The following CCDC149 variants were observed in gnomAD, a reference collection of about 807,000 sequenced individuals.
CCDC149 encodes the protein coiled-coil domain-containing protein 149.
Under a neutral mutation model 59.9 loss-of-function variants are expected in CCDC149, and 45 were observed. That is an observed-to-expected ratio of 0.75 (90% CI 0.59 to 0.96). The LOEUF is 0.96. CCDC149 is among the 40% of genes least tolerant of loss of function. The pLI is 0.00. For synonymous variants in CCDC149, 245 were observed against 260.6 expected, an observed-to-expected ratio of 0.94 and a Z score of 0.58; for missense variants, 584 against 664.7, an observed-to-expected ratio of 0.88 and a Z score of 1.33.
At chr4:24,915,050 G>A (rs897276045), upstream of CCDC149, among the ~76,000 whole-genome samples, 1 of 152,162 alleles carries the variant, frequency 6.6e-6, no homozygotes, top group Non-Finnish European at 1.5e-5. Context: ...AAAAAAGGTG[G>A]GGCTAGAATG....
At chr4:24,834,766 C>G (rs1230782104) in intron 8 of CCDC149, among the ~76,000 whole-genome samples, 182 bp downstream of exon 8, 2 of 152,148 alleles carry the variant, frequency 1.3e-5, no homozygotes, top group African/African-American at 4.8e-5. Context: ...GGAGTGGAAC[C>G]AGTAATCTGT....
At chr4:24,954,664 A>G (rs961357442) in intron 1 of CCDC149, among the ~76,000 whole-genome samples, 2 of 152,206 alleles carry the variant, frequency 1.3e-5, no homozygotes, top group African/African-American at 4.8e-5. Flanking sequence ...GAGATTCAAG[A>G]TGGCCCTGAG....
chr4:24,839,028 T>TCACACACA (rs56226858), intron 4 of CCDC149, among the ~76,000 whole-genome samples: 1 of 132,022 alleles, frequency 7.6e-6, no homozygotes, highest in African/African-American at 3.0e-5. Context: ...TCTCTCTCTC[T>TCACACACA]CACACACACA....
intron 1 of CCDC149, among the ~76,000 whole-genome samples, chr4:24,924,877 G>A (rs1333369371): frequency 2.0e-5 from 3 of 152,164 alleles, no homozygotes; most frequent in Non-Finnish European, 4.4e-5. Flanking sequence ...GGAAGAAATT[G>A]TTGCAGTCAC....
At chr4:24,947,813 AAAG>A (rs932738990) in intron 1 of CCDC149, among the ~76,000 whole-genome samples, 20 of 146,974 alleles carry the variant, frequency 1.4e-4, no homozygotes, top group African/African-American at 4.9e-4. Flanking sequence ...TACAATGAAA[AAAG>A]AAGGAGGATT....
intron 1 of CCDC149, among the ~76,000 whole-genome samples, chr4:24,898,787 C>T (rs1720990575): frequency 6.6e-6 from 1 of 152,080 alleles, no homozygotes; most frequent in Non-Finnish European, 1.5e-5. Context: ...AGTGGGAGAC[C>T]CAAGGGGAGT....
intron 12 of CCDC149, among the ~76,000 whole-genome samples, chr4:24,813,489 A>AATATATCTATATCTATCTATATAT (rs1186488610): frequency 8.8e-6 from 1 of 113,734 alleles, no homozygotes; most frequent in African/African-American, 4.0e-5. Flanking sequence ...CAGCTTGGGG[A>AATATATCTATATCTATCTATATAT]ATATATATAT....
intron 3 of CCDC149, among the ~76,000 whole-genome samples, chr4:24,861,040 G>T (rs1169571803): frequency 6.6e-6 from 1 of 152,082 alleles, no homozygotes; most frequent in African/African-American, 2.4e-5. Context: ...TAACCACTAT[G>T]GAAAACAGTA....
chr4:24,818,781 T>C (rs1415815053), intron 12 of CCDC149, among the ~76,000 whole-genome samples: 2 of 152,192 alleles, frequency 1.3e-5, no homozygotes, highest in African/African-American at 4.8e-5. Context: ...AAGGGACAAG[T>C]CTCATGTCTT....
chr4:24,824,448 G>T (rs809608), intron 9 of CCDC149, among the ~76,000 whole-genome samples: 114,730 of 152,078 alleles, frequency 0.75, 43,683 homozygotes, highest in Non-Finnish European at 0.78. Context: ...TAATCTTTCC[G>T]GAGTCCGTAA....
chr4:24,900,990 G>A (rs986198048), intron 1 of CCDC149, among the ~76,000 whole-genome samples: 1 of 152,178 alleles, frequency 6.6e-6, no homozygotes, highest in Non-Finnish European at 1.5e-5. Flanking sequence ...CAGGTGATGG[G>A]GAGCCACCAC....
chr4:24,882,613 G>T (rs1298892856), intron 1 of CCDC149, among the ~76,000 whole-genome samples: 4 of 152,150 alleles, frequency 2.6e-5, no homozygotes, highest in Admixed American at 2.6e-4. Context: ...CTGATGAGAG[G>T]GTGTCTATGG....
chr4:24,916,244 G>A (rs1722115589), upstream of CCDC149, among the ~76,000 whole-genome samples: 1 of 152,132 alleles, frequency 6.6e-6, no homozygotes, highest in African/African-American at 2.4e-5. Context: ...TTATTTATGT[G>A]CACCTATAGT....
intron 1 of CCDC149, among the ~76,000 whole-genome samples, chr4:24,883,268 G>T (rs2109265279): frequency 6.6e-6 from 1 of 151,728 alleles, no homozygotes; most frequent in Admixed American, 6.6e-5. Flanking sequence ...CTGCAGTAAG[G>T]GTAATTATTG....
intron 3 of CCDC149, among the ~76,000 whole-genome samples, chr4:24,853,942 G>A (rs761300073): frequency 2.6e-5 from 4 of 151,852 alleles, no homozygotes; most frequent in African/African-American, 9.7e-5. Context: ...CAGGATAATC[G>A]CCCTTCATTC....
chr4:24,931,055 G>A (rs1722572003), intron 1 of CCDC149, among the ~76,000 whole-genome samples: 1 of 151,626 alleles, frequency 6.6e-6, no homozygotes, highest in African/African-American at 2.4e-5. Flanking sequence ...TCTTTTGTCT[G>A]GAATTTAAAG....
chr4:24,901,495 T>G (rs1173072750), intron 1 of CCDC149, among the ~76,000 whole-genome samples: 1 of 152,164 alleles, frequency 6.6e-6, no homozygotes, highest in East Asian at 1.9e-4. Flanking sequence ...AATTGTCAAT[T>G]TTAGGAGCAC....
chr4:24,967,331 T>A (rs116087998), intron 1 of CCDC149, among the ~76,000 whole-genome samples: 1,890 of 152,226 alleles, frequency 0.012, 36 homozygotes, highest in African/African-American at 0.044. Context: ...GCAGAAAATG[T>A]GTGGCACCCA....
At position 24,806,315 on chromosome 4, in the gene CCDC149, C is replaced by T. The variant is rs1465201633; in HGVS notation, c.*2074G>A. The T allele has an allele frequency of 6.6e-6, 1 of 152,336 alleles. No homozygotes were observed. The highest frequency in any genetic ancestry group is 1.5e-5 in the Non-Finnish European group (1 of 68,090). 9.4% of individuals were successfully genotyped at this position (152,336 alleles called of 1,614,324 possible). ...GCTGACTACACACAGTTTAGGTTAT[C>T]ACTCCTTATGACTCCTGCTCCCTGC... On this transcript the variant is annotated 3_prime_UTR_variant, in exon 13 of 13. Coordinates refer to ENST00000635206, the MANE Select transcript of CCDC149 (RefSeq NM_001330643.2).
Sources: allele counts gnomAD v4.1 joint callset (sites outside exome capture counted in the v4.1 genomes callset), GRCh38; gene constraint gnomAD v4.1.1; transcripts MANE v1.5; gene names NCBI Gene and HGNC (gene_info 2026-07-23, HGNC 2026-07-21).